Variants in CDH13 observed in about 807,000 individuals in gnomAD.
CDH13 encodes cadherin-13.
In CDH13, 24 loss-of-function variants were observed where a neutral mutation model predicts 63.8. The observed-to-expected ratio is 0.38, with a 90% CI of 0.27 to 0.53. CDH13 has a LOEUF of 0.53. Among genes scored for constraint, CDH13 ranks in the 20% least tolerant of loss-of-function variants. The probability of loss-of-function intolerance (pLI) is 0.85; values close to 1 mark genes in which losing one functional copy is unlikely to be tolerated. For synonymous variants in CDH13, 503 were observed against 355.3 expected (o/e 1.42, Z -4.67); for missense variants, 1,049 against 903.1 (o/e 1.16, Z -2.07).
At chr16:82,768,014 T>C (rs1371589204) in intron 1 of CDH13, among the ~76,000 whole-genome samples, 1 of 151,980 alleles carries the variant, frequency 6.6e-6, no homozygotes, top group East Asian at 1.9e-4. Context: ...CATCCCTGAG[T>C]CATGGGCGTG....
At chr16:82,945,475 G>A (rs987825641) in intron 2 of CDH13, among the ~76,000 whole-genome samples, 6 of 152,184 alleles carry the variant, frequency 3.9e-5, no homozygotes, top group Non-Finnish European at 5.9e-5. Context: ...GGTGCTAAAC[G>A]ACTTTCTGCA....
chr16:83,079,091 G>A (rs562140661), intron 3 of CDH13, among the ~76,000 whole-genome samples: 7 of 152,108 alleles, frequency 4.6e-5, no homozygotes, highest in Non-Finnish European at 1.0e-4. Context: ...CATTGTGCCC[G>A]GCCCAGGTTT....
At position 82,700,419 on chromosome 16, in the gene CDH13, C is replaced by A. The variant is rs144527889; in HGVS notation, c.45+73282C>A. On this transcript the variant is annotated intron_variant, in intron 1 of 13. Transcript: ENST00000567109. ...AAGTATCCCCACCAGTGAAGAGTTA[C>A]CGTGTATGTGTATAATGTACATAAG... Among the ~76,000 whole-genome samples, 844 of 152,170 alleles carry A rather than the reference C, an allele frequency of 5.5e-3. 12 individuals are homozygous for A. Among genetic ancestry groups the A allele is most frequent in the Non-Finnish European group, 4.6e-3 (310 of 68,008 alleles).
intron 4 of CDH13, among the ~76,000 whole-genome samples, chr16:83,162,350 C>A (rs1038096775): frequency 2.0e-5 from 3 of 152,042 alleles, no homozygotes; most frequent in Admixed American, 2.0e-4. Flanking sequence ...GCTTTATTTA[C>A]GTGATATCAT....
chr16:83,658,806 C>A lies in CDH13; in HGVS notation c.1102-11984C>A, dbSNP rs568780728. Among the ~76,000 whole-genome samples the A allele has an allele frequency of 1.9e-3, 278 of 144,916 alleles. 4 individuals carry two copies. The highest frequency in any genetic ancestry group is 7.0e-3 in the African/African-American group (268 of 38,456). ...GGTCTCATGTCCTCACCACCAGGTC[C>A]CATATCCTCACCAGCAAGGTCCCAT... is the stretch of plus-strand genomic sequence containing the variant. On this transcript the variant is annotated intron_variant, in intron 8 of 13. Transcript: ENST00000567109.
In CDH13 at chr16:83,759,349, T is replaced by A. The variant is rs1279010784; in HGVS notation, c.1681+11099T>A. On this transcript the variant is annotated intron_variant, in intron 11 of 13. Transcript: ENST00000567109. ...AAGTTGATTGAATAAACATATTTTT[T>A]AAAATGCATCCTGACCCCCTCTTAA... 1.3e-5 allele frequency among the ~76,000 whole-genome samples: 2 copies of A among 152,210 alleles called. 1 individual carries two copies. Among genetic ancestry groups the A allele is most frequent in the South Asian group, 4.1e-4 (2 of 4,834 alleles).
intron 7 of CDH13, among the ~76,000 whole-genome samples, chr16:83,566,385 C>A (rs901728057): frequency 3.9e-5 from 6 of 152,184 alleles, no homozygotes; most frequent in African/African-American, 1.4e-4. Context: ...GCTTCTTTCT[C>A]AATCCCTTAT....
At chr16:83,098,475 C>G (rs4430723) in intron 3 of CDH13, among the ~76,000 whole-genome samples, 49,247 of 151,758 alleles carry the variant, frequency 0.32, 8,933 homozygotes, top group Middle Eastern at 0.54. Context: ...ATTCATATAT[C>G]CATCCAACAT....
At chr16:83,217,292 C>T (rs1180183674) in intron 4 of CDH13, 53 bp from the exon 5 acceptor site, 1 of 1,589,672 alleles carries the variant, frequency 6.3e-7, no homozygotes, top group Non-Finnish European at 8.6e-7. Context: ...TTGCAATGTG[C>T]TTTCTCTGTG....
chr16:83,072,905 T>C (rs887437305), intron 3 of CDH13, among the ~76,000 whole-genome samples: 3 of 152,244 alleles, frequency 2.0e-5, no homozygotes, highest in African/African-American at 7.2e-5. Flanking sequence ...TTCTGTGGGC[T>C]CTCATATTCC....
At position 83,012,557 on chromosome 16, in the gene CDH13, A is replaced by G. The variant is rs745621543; in HGVS notation, c.158-19453A>G. 7.2e-4 allele frequency among the ~76,000 whole-genome samples: 110 copies of G among 152,264 alleles called. No individual in the cohort carries two copies. The Middle Eastern group carries it at 0.014, about 19-fold the overall frequency. Reference sequence around the variant, plus strand: ...GGGGGAAAATAATGACAGACTCTCTACAAGAAAAAACTATATATATATGAC... The same window carrying G: ...GGGGGAAAATAATGACAGACTCTCTGCAAGAAAAAACTATATATATATGAC... On this transcript the variant is annotated intron_variant, in intron 2 of 13. Coordinates refer to ENST00000567109, the MANE Select transcript of CDH13 (RefSeq NM_001257.5).
chr16:83,632,722 C>T (rs558118339), intron 8 of CDH13, among the ~76,000 whole-genome samples: 25 of 141,946 alleles, frequency 1.8e-4, no homozygotes, highest in African/African-American at 6.9e-4. Flanking sequence ...GAATTCAGGG[C>T]GAGTCCATAG....
chr16:83,658,305 A>C (rs1326585490), intron 8 of CDH13, among the ~76,000 whole-genome samples: 10 of 101,786 alleles, frequency 9.8e-5, no homozygotes, highest in African/African-American at 3.3e-4. Flanking sequence ...CCTCACCACC[A>C]GGTCCCGTAT....
chr16:83,591,117 G>A (rs1056938043), intron 7 of CDH13, among the ~76,000 whole-genome samples: 8 of 151,770 alleles, frequency 5.3e-5, no homozygotes, highest in Non-Finnish European at 8.8e-5. Context: ...CACCAGGTTG[G>A]CCATGCTGGT....
At chr16:82,629,209 A>G (rs1055802677) in intron 1 of CDH13, among the ~76,000 whole-genome samples, 2 of 152,154 alleles carry the variant, frequency 1.3e-5, no homozygotes, top group African/African-American at 2.4e-5. Flanking sequence ...GTGTCTCCTC[A>G]CCCAGGGCCA....
intron 1 of CDH13, among the ~76,000 whole-genome samples, chr16:82,741,117 C>A (rs559860139): frequency 1.3e-5 from 2 of 152,182 alleles, no homozygotes; most frequent in African/African-American, 4.8e-5. Context: ...TCCTTTCCTT[C>A]CACTTTCACA....
chr16:83,062,344 G>GT (rs940816646), intron 3 of CDH13, among the ~76,000 whole-genome samples: 1 of 151,758 alleles, frequency 6.6e-6, no homozygotes, highest in African/African-American at 2.4e-5. Flanking sequence ...TTCTTTTTTT[G>GT]TTTTTTGTCC....
intron 4 of CDH13, among the ~76,000 whole-genome samples, chr16:83,215,838 C>A (rs1305027545): frequency 1.3e-5 from 2 of 152,036 alleles, no homozygotes; most frequent in Admixed American, 6.6e-5. Flanking sequence ...GTGTTCATGA[C>A]CTTTCAATTG....
intron 2 of CDH13, among the ~76,000 whole-genome samples, chr16:82,894,035 C>T (rs1020476078): frequency 2.6e-5 from 4 of 152,140 alleles, no homozygotes; most frequent in Admixed American, 1.3e-4. Flanking sequence ...CCTTAACAGA[C>T]GTTTACTGGA....
Sources: gnomAD v4.1 joint callset for allele counts (sites outside exome capture counted in the v4.1 genomes callset) on GRCh38, gnomAD v4.1.1 for gene constraint, MANE v1.5 for transcripts, NCBI Gene and HGNC (gene_info 2026-07-23, HGNC 2026-07-21) for gene names.